The following TMEM178B variants were observed in gnomAD, a reference collection of about 807,000 sequenced individuals.
TMEM178B encodes the protein transmembrane protein 178B.
Under a neutral mutation model 31.0 loss-of-function variants are expected in TMEM178B, and 5 were observed. The observed-to-expected ratio is 0.16, with a 90% confidence interval of 0.08 to 0.34. TMEM178B has a LOEUF of 0.34. Ranked by LOEUF, TMEM178B falls within the 10% of genes least tolerant of loss-of-function variation. TMEM178B has a pLI of 1.00. For missense variants in TMEM178B, 275 were observed against 400.3 expected, an observed-to-expected ratio of 0.69 and a Z score of 2.67; for synonymous variants, 164 against 164.0, an observed-to-expected ratio of 1.00 and a Z score of 0.00.
At chr7:141,206,530 A>G (rs959682119) in intron 1 of TMEM178B, among the ~76,000 whole-genome samples, 2 of 152,154 alleles carry the variant, frequency 1.3e-5, no homozygotes, top group Non-Finnish European at 2.9e-5. Flanking sequence ...TGAAGGTTGG[A>G]GCAATGAGAG....
At chr7:141,288,492 A>G (rs1228870602) in intron 2 of TMEM178B, among the ~76,000 whole-genome samples, 2 of 151,996 alleles carry the variant, frequency 1.3e-5, no homozygotes, top group African/African-American at 4.8e-5. Context: ...TGAAAAAAAA[A>G]AAAGATTTAA....
Position 141,454,524 on chromosome 7 carries a change from T to C in TMEM178B, c.635-16012T>C, listed in dbSNP as rs143994557. Among the ~76,000 whole-genome samples the C allele has an allele frequency of 1.3e-4, 20 of 151,628 alleles. No homozygotes were observed. The South Asian group carries it at 2.5e-3, about 19-fold the overall frequency. On this transcript the variant is annotated intron_variant, in intron 3 of 3. Transcript: ENST00000565468. The stretch of plus-strand genomic sequence containing the variant: ...CTTCAGGAGGCCACTTTGGGGACCT[T>C]TCTTCCTTTCCTCCTCTCCTCTTCT...
At chr7:141,282,658 G>A (rs1205937078) in intron 2 of TMEM178B, among the ~76,000 whole-genome samples, 1 of 152,200 alleles carries the variant, frequency 6.6e-6, no homozygotes, top group Non-Finnish European at 1.5e-5. Context: ...TATCGCATGA[G>A]AGGTATTGAC....
intron 2 of TMEM178B, among the ~76,000 whole-genome samples, chr7:141,388,390 G>T (rs1800472494): frequency 6.6e-6 from 1 of 152,200 alleles, no homozygotes; most frequent in South Asian, 2.1e-4. Context: ...GTTTTGCTGT[G>T]CATATCACTG....
intron 2 of TMEM178B, among the ~76,000 whole-genome samples, chr7:141,255,289 A>T (rs1446141569): frequency 1.3e-5 from 2 of 152,198 alleles, no homozygotes; most frequent in African/African-American, 4.8e-5. Context: ...AAACAGCTCA[A>T]TTCAAGGCCA....
intron 1 of TMEM178B, among the ~76,000 whole-genome samples, chr7:141,134,900 A>C (rs1480677315): frequency 6.6e-6 from 1 of 152,152 alleles, no homozygotes; most frequent in East Asian, 1.9e-4. Context: ...CATAAGTACC[A>C]CATGTTTTGG....
At chr7:141,383,207 A>T (rs1253423377) in intron 2 of TMEM178B, among the ~76,000 whole-genome samples, 1 of 151,780 alleles carries the variant, frequency 6.6e-6, no homozygotes, top group East Asian at 1.9e-4. Context: ...AAGAAAACAG[A>T]GTAAGATAAT....
intron 2 of TMEM178B, among the ~76,000 whole-genome samples, chr7:141,215,573 G>A (rs963733401): frequency 2.6e-5 from 4 of 151,904 alleles, no homozygotes; most frequent in Non-Finnish European, 4.4e-5. Context: ...TGATCCACCC[G>A]CCTCAGCCTT....
intron 2 of TMEM178B, among the ~76,000 whole-genome samples, chr7:141,382,872 CTT>C (rs1375950736): frequency 3.9e-5 from 6 of 152,206 alleles, no homozygotes; most frequent in Non-Finnish European, 5.9e-5. Context: ...TCTCTGGAGT[CTT>C]TTAACAAATG....
chr7:141,449,730 G>A (rs146920172), intron 3 of TMEM178B, among the ~76,000 whole-genome samples: 74 of 152,316 alleles, frequency 4.9e-4, no homozygotes, highest in African/African-American at 1.7e-3. Context: ...CTCGGCAGCA[G>A]CCCTCACTAT....
chr7:141,125,286 A>T (rs1157986823), intron 1 of TMEM178B, among the ~76,000 whole-genome samples: 1 of 152,208 alleles, frequency 6.6e-6, no homozygotes, highest in African/African-American at 2.4e-5. Flanking sequence ...TCACCTCAGG[A>T]GGAAGAAGCC....
chr7:141,179,343 GA>G (rs1246404823), intron 1 of TMEM178B, among the ~76,000 whole-genome samples: 2 of 152,090 alleles, frequency 1.3e-5, no homozygotes, highest in African/African-American at 4.8e-5. Context: ...TTTGCCAATG[GA>G]AAAAAATGGA....
At chr7:141,192,265 C>G (rs973213384) in intron 1 of TMEM178B, among the ~76,000 whole-genome samples, 13 of 152,216 alleles carry the variant, frequency 8.5e-5, no homozygotes, top group African/African-American at 2.6e-4. Flanking sequence ...AGGCAGAGGG[C>G]TCCAGGTCTG....
chr7:141,224,349 C>G (rs1029851282), intron 2 of TMEM178B, among the ~76,000 whole-genome samples: 2 of 152,250 alleles, frequency 1.3e-5, no homozygotes, highest in Non-Finnish European at 2.9e-5. Flanking sequence ...CAGTTCCAAA[C>G]AAGCAGTGCT....
chr7:141,377,672 TAAA>T (rs1001250115), intron 2 of TMEM178B, among the ~76,000 whole-genome samples: 8 of 151,298 alleles, frequency 5.3e-5, no homozygotes, highest in East Asian at 2.0e-4. Context: ...AACTCCATCT[TAAA>T]AAAAGAAAAA....
chr7:141,250,672 T>C (rs1797816903), intron 2 of TMEM178B, among the ~76,000 whole-genome samples: 2 of 152,146 alleles, frequency 1.3e-5, no homozygotes, highest in African/African-American at 2.4e-5. Context: ...AGCCTCTCCA[T>C]AGCAAGAGGC....
intron 3 of TMEM178B, among the ~76,000 whole-genome samples, chr7:141,454,667 T>A (rs1409300350): frequency 1.3e-5 from 2 of 151,378 alleles, no homozygotes; most frequent in African/African-American, 2.4e-5. Context: ...TCTGGGTTAG[T>A]GTATCTGCTC....
intron 1 of TMEM178B, among the ~76,000 whole-genome samples, chr7:141,163,801 C>T (rs2129181962): frequency 6.6e-6 from 1 of 152,218 alleles, no homozygotes; most frequent in South Asian, 2.1e-4. Flanking sequence ...GGGTGAGCCA[C>T]CATGCCTGGC....
intron 1 of TMEM178B, among the ~76,000 whole-genome samples, chr7:141,083,582 A>G (rs7806026): frequency 0.23 from 35,117 of 152,018 alleles, 5,304 homozygotes; most frequent in African/African-American, 0.43. Flanking sequence ...CTAGTTTGCA[A>G]TAGGAATAGC....
Sources: allele counts gnomAD v4.1 joint callset (sites outside exome capture counted in the v4.1 genomes callset), GRCh38; gene constraint gnomAD v4.1.1; transcripts MANE v1.5; gene names NCBI Gene and HGNC (gene_info 2026-07-23, HGNC 2026-07-21).